The following NFYB variants were observed in gnomAD, a reference collection of about 807,000 sequenced individuals.
NFYB encodes the protein nuclear transcription factor Y subunit beta.
Under a neutral mutation model 28.0 loss-of-function variants are expected in NFYB, and 13 were observed. That is an observed-to-expected ratio of 0.46 (90% CI 0.30 to 0.74). The LOEUF (loss-of-function observed/expected upper bound fraction) is 0.74. Ranked by LOEUF, NFYB falls within the 30% of genes least tolerant of loss-of-function variation. The pLI is 0.07. For missense variants in NFYB, 142 were observed against 247.6 expected (o/e 0.57, Z 2.86); for synonymous variants, 74 against 75.0 (o/e 0.99, Z 0.07).
chr12:104,128,383 G>A (rs770547773), intron 3 of NFYB, 41 bp downstream of exon 3: 5 of 1,433,874 alleles, frequency 3.5e-6, no homozygotes, highest in Non-Finnish European at 4.9e-6. Flanking sequence ...TTTCTAACTT[G>A]CTTCAACTTG....
At position 104,123,314 on chromosome 12, in the gene NFYB, T is replaced by A; in HGVS notation, c.341A>T (p.Asn114Ile). 1 of 1,614,154 alleles carries A rather than the reference T, an allele frequency of 6.2e-7. No homozygotes were observed. The highest frequency in any genetic ancestry group is 8.5e-7 in the Non-Finnish European group (1 of 1,179,976). The change falls in exon 5 of 8, where the codon AAT becomes ATT. Residue 114 changes from asparagine (N) to isoleucine (I), a missense_variant. Asn to Ile is a moderately radical substitution (Grantham distance 149). Around this residue, in one of 2 missense-constraint regions of NFYB, gnomAD observed 88 missense variants for 189.5 expected, o/e 0.46. Transcript: ENST00000240055. ...RCHQEKRKTI[N>I]GEDILFAMST... ...CATAGCAAAGAGAATATCTTCTCCATTGATTGTTTTCCGTTTCTCTTGATG... is the reference window on the plus strand; with the variant it reads ...CATAGCAAAGAGAATATCTTCTCCAATGATTGTTTTCCGTTTCTCTTGATG...
At position 104,135,436 on chromosome 12, in the gene NFYB, A is replaced by G. The variant is rs145395818; in HGVS notation, c.6+12T>C. 3.7e-4 allele frequency: 586 copies of G among 1,587,290 alleles called. 1 individual carries two copies. The African/African-American group carries it at 4.7e-3, about 13-fold the overall frequency. On this transcript the variant is annotated intron_variant, in intron 2 of 7. Transcript: ENST00000240055. ...AATCTAATTAACAACCAAAATGGTA[A>G]AATATACTTACTGTCATGAAATACT...
At chr12:104,132,546 G>C (rs1862190720) in intron 2 of NFYB, among the ~76,000 whole-genome samples, 1 of 152,224 alleles carries the variant, frequency 6.6e-6, no homozygotes, top group Admixed American at 6.5e-5. Context: ...TTTAGCATCA[G>C]GTCTGGGTGA....
At chr12:104,124,221 T>C (rs1444143910) in intron 4 of NFYB, among the ~76,000 whole-genome samples, 1 of 152,222 alleles carries the variant, frequency 6.6e-6, no homozygotes, top group East Asian at 1.9e-4. Context: ...AATGATAACA[T>C]ACGGTGACTT....
intron 2 of NFYB, 65 bp from the exon 3 acceptor site, chr12:104,128,582 CT>C: frequency 9.5e-7 from 1 of 1,055,552 alleles, no homozygotes; most frequent in South Asian, 1.3e-5. Context: ...AGATTCAACA[CT>C]TATAAACTGT....
At chr12:104,135,415 T>C in intron 2 of NFYB, 33 bp downstream of exon 2, 1 of 1,568,560 alleles carries the variant, frequency 6.4e-7, no homozygotes, top group Non-Finnish European at 8.6e-7. Context: ...TATTCAAATC[T>C]AATTAACAAC....
chr12:104,126,850 T>C (rs1443403133), intron 3 of NFYB, among the ~76,000 whole-genome samples: 1 of 152,192 alleles, frequency 6.6e-6, no homozygotes, highest in Non-Finnish European at 1.5e-5. Context: ...TATAAAACTT[T>C]TAAAGTTGAT....
intron 2 of NFYB, among the ~76,000 whole-genome samples, chr12:104,130,270 T>C (rs528318225): frequency 2.6e-5 from 4 of 152,252 alleles, no homozygotes; most frequent in Non-Finnish European, 5.9e-5. Flanking sequence ...CTTAATGTTA[T>C]TAATTGCAAA....
At position 104,119,062 on chromosome 12, in the gene NFYB, AACT is replaced by A. The variant is rs1420689878; in HGVS notation, c.*672_*674del. The A allele has an allele frequency of 1.3e-5, 2 of 152,484 alleles. No individual in the cohort carries two copies. The highest frequency in any genetic ancestry group is 4.8e-5 in the African/African-American group (2 of 41,448). The allele number at this position is 152,484 out of a possible 1,614,324, so 9.4% of individuals were successfully genotyped here. On this transcript the variant is annotated 3_prime_UTR_variant, in exon 8 of 8. Transcript: ENST00000240055. ...GTCTTAAAAAAGCTCCAGTAACTAAAACTACATTAACAGGCACGATGAACAGTG... is the reference window on the plus strand; with the variant it reads ...GTCTTAAAAAAGCTCCAGTAACTAAAACATTAACAGGCACGATGAACAGTG...
At chr12:104,120,375 G>T in intron 7 of NFYB, 25 bp downstream of exon 7, 1 of 1,582,624 alleles carries the variant, frequency 6.3e-7, no homozygotes, top group Non-Finnish European at 8.7e-7. Flanking sequence ...AATTTTTTAA[G>T]CATTTAAAAT....
chr12:104,129,428 A>G lies in NFYB; in HGVS notation c.7-911T>C, dbSNP rs1320385541. Among the ~76,000 whole-genome samples, 3 of 152,188 alleles carry G rather than the reference A, an allele frequency of 2.0e-5. No individual in the cohort carries two copies. In the East Asian group the frequency reaches 5.8e-4, roughly 29 times the overall value. ...CGAACTTTCTTTGCTTTCTCATAGA[A>G]GTTCCAAAATAGACAATGTCTCCGT... On this transcript the variant is annotated intron_variant, in intron 2 of 7. Transcript: ENST00000240055.
At chr12:104,132,510 A>G (rs1025251497) in intron 2 of NFYB, among the ~76,000 whole-genome samples, 1 of 152,236 alleles carries the variant, frequency 6.6e-6, no homozygotes, top group African/African-American at 2.4e-5. Context: ...CAGTCAGGGC[A>G]TGACTTCAAG....
Position 104,118,285 on chromosome 12 carries a change from A to G in NFYB, c.*1452T>C, listed in dbSNP as rs556761135. The G allele has an allele frequency of 1.3e-5, 2 of 152,388 alleles. No individual in the cohort carries two copies. Among genetic ancestry groups the G allele is most frequent in the South Asian group, 4.1e-4 (2 of 4,822 alleles). The allele number at this position is 152,388 out of a possible 1,614,324, so 9.4% of individuals were successfully genotyped here. A position where few individuals can be genotyped will look rare whatever the true frequency, so the allele number is the denominator to read the frequency against. ...GTTGATTTTGCTTAACTACTCCCCC[A>G]TTTTTTCCTATTTGAATTTACTACA... is the stretch of plus-strand genomic sequence containing the variant. On this transcript the variant is annotated 3_prime_UTR_variant, in exon 8 of 8. Transcript: ENST00000240055.
intron 4 of NFYB, 99 bp from the exon 5 acceptor site, chr12:104,123,522 TTA>T: frequency 5.9e-6 from 5 of 845,506 alleles, no homozygotes; most frequent in South Asian, 3.3e-5. Flanking sequence ...CATCTTCACT[TTA>T]TGACTATTTA....
chr12:104,130,421 GTAGA>G (rs1476572658), intron 2 of NFYB, among the ~76,000 whole-genome samples: 1 of 152,144 alleles, frequency 6.6e-6, no homozygotes, highest in African/African-American at 2.4e-5. Context: ...TAATATAACT[GTAGA>G]TAGAGACACA....
intron 6 of NFYB, among the ~76,000 whole-genome samples, 177 bp downstream of exon 6, chr12:104,121,063 T>C (rs1261003078): frequency 6.6e-6 from 1 of 152,178 alleles, no homozygotes; most frequent in Non-Finnish European, 1.5e-5. Flanking sequence ...TCTACAGAAT[T>C]AAACTTTTCT....
chr12:104,123,439 T>C lies in NFYB; in HGVS notation c.232-16A>G. 1 of 1,610,208 alleles carries C rather than the reference T, an allele frequency of 6.2e-7. No homozygotes were observed. The highest frequency in any genetic ancestry group is 8.5e-7 in the Non-Finnish European group (1 of 1,177,266). ...CTTTTGCAATCTGAAGAGAAAATCATAGGTAAATTACAGAAACTATAACCA... is the reference window on the plus strand; with the variant it reads ...CTTTTGCAATCTGAAGAGAAAATCACAGGTAAATTACAGAAACTATAACCA... On this transcript the variant is annotated splice_polypyrimidine_tract_variant and intron_variant, in intron 4 of 7. Transcript: ENST00000240055.
At chr12:104,127,588 A>T (rs556064167) in intron 3 of NFYB, among the ~76,000 whole-genome samples, 26 of 148,792 alleles carry the variant, frequency 1.7e-4, no homozygotes, top group African/African-American at 5.1e-4. Context: ...AAAAATAAAA[A>T]AAAAAAAAAA....
chr12:104,124,436 C>T (rs2030603372), intron 4 of NFYB, among the ~76,000 whole-genome samples: 1 of 152,146 alleles, frequency 6.6e-6, no homozygotes, highest in African/African-American at 2.4e-5. Context: ...AACTCCCTGC[C>T]GAAACACACT....
Sources: gnomAD v4.1 joint callset for allele counts (sites outside exome capture counted in the v4.1 genomes callset) on GRCh38, gnomAD v4.1.1 for gene constraint, gnomAD v4.1.1 regional missense constraint, MANE v1.5 for transcripts, NCBI Gene and HGNC (gene_info 2026-07-23, HGNC 2026-07-21) for gene names.